DNAJC1: variants seen among roughly 807,000 people sequenced by gnomAD.
DNAJC1 encodes the protein dnaJ homolog subfamily C member 1.
In DNAJC1, 58 loss-of-function variants were observed where a neutral mutation model predicts 76.6. The ratio of observed to expected loss-of-function variants is 0.76; its 90% confidence interval spans 0.61 to 0.94. DNAJC1 has a LOEUF of 0.94. DNAJC1 is among the 40% of genes least tolerant of loss of function. DNAJC1 has a pLI of 0.00. For missense variants in DNAJC1, 689 were observed against 677.3 expected, an observed-to-expected ratio of 1.02 and a Z score of -0.19; for synonymous variants, 258 against 267.9, an observed-to-expected ratio of 0.96 and a Z score of 0.36.
At chr10:21,992,458 C>A (rs1838341551) in intron 1 of DNAJC1, among the ~76,000 whole-genome samples, 1 of 151,998 alleles carries the variant, frequency 6.6e-6, no homozygotes, top group Non-Finnish European at 1.5e-5. Context: ...GAGGCTGAGG[C>A]AGGAGAATCG....
chr10:21,804,864 C>T (rs2131641209), intron 9 of DNAJC1, among the ~76,000 whole-genome samples: 1 of 151,954 alleles, frequency 6.6e-6, no homozygotes, highest in African/African-American at 2.4e-5. Context: ...CAAAACAATA[C>T]AAAACTTGAC....
At chr10:21,771,107 T>C (rs1407767107) in intron 9 of DNAJC1, among the ~76,000 whole-genome samples, 1 of 152,236 alleles carries the variant, frequency 6.6e-6, no homozygotes. Context: ...ATTGTAAATG[T>C]ATAAAAAATA....
intron 1 of DNAJC1, among the ~76,000 whole-genome samples, chr10:21,987,520 T>C (rs1049372955): frequency 6.6e-6 from 1 of 152,216 alleles, no homozygotes; most frequent in Non-Finnish European, 1.5e-5. Flanking sequence ...TTTACCAGAA[T>C]GTAGAATTAT....
intron 8 of DNAJC1, among the ~76,000 whole-genome samples, chr10:21,833,014 A>C (rs1835385954): frequency 6.6e-6 from 1 of 152,206 alleles, no homozygotes; most frequent in South Asian, 2.1e-4. Context: ...CCCCACTTCT[A>C]AATCTTTCAT....
At chr10:21,938,279 A>C (rs929786101) in intron 1 of DNAJC1, among the ~76,000 whole-genome samples, 6 of 152,080 alleles carry the variant, frequency 3.9e-5, no homozygotes, top group African/African-American at 1.2e-4. Context: ...ACGAAAACAT[A>C]CCATGCCAAA....
At chr10:21,894,874 T>C (rs1281866463) in intron 7 of DNAJC1, among the ~76,000 whole-genome samples, 1 of 152,130 alleles carries the variant, frequency 6.6e-6, no homozygotes, top group African/African-American at 2.4e-5. Flanking sequence ...ACAGCATTCA[T>C]CTCCCCTAGA....
chr10:21,998,128 C>A (rs762766663), intron 1 of DNAJC1, among the ~76,000 whole-genome samples: 1 of 152,094 alleles, frequency 6.6e-6, no homozygotes, highest in Non-Finnish European at 1.5e-5. Context: ...CAGTGGTTCA[C>A]GCCTGTAATC....
intron 8 of DNAJC1, among the ~76,000 whole-genome samples, chr10:21,852,408 A>C (rs538805921): frequency 1.3e-5 from 2 of 152,302 alleles, no homozygotes; most frequent in African/African-American, 4.8e-5. Flanking sequence ...TGGTGGTTGG[A>C]CAACACTGTG....
chr10:21,905,738 C>T (rs1054852109), intron 6 of DNAJC1, among the ~76,000 whole-genome samples: 1 of 151,968 alleles, frequency 6.6e-6, no homozygotes, highest in Non-Finnish European at 1.5e-5. Context: ...AAGTATTTAC[C>T]GAATTGAACT....
intron 7 of DNAJC1, among the ~76,000 whole-genome samples, chr10:21,890,183 G>C (rs1472932735): frequency 2.0e-5 from 3 of 151,828 alleles, no homozygotes; most frequent in Non-Finnish European, 2.9e-5. Context: ...AGGCTGGGGG[G>C]GGGTGGATGA....
chr10:21,972,796 T>C (rs1324254149), intron 1 of DNAJC1, among the ~76,000 whole-genome samples: 1 of 151,870 alleles, frequency 6.6e-6, no homozygotes, highest in Non-Finnish European at 1.5e-5. Flanking sequence ...ACTGGAGGAG[T>C]TGCTGATATA....
chr10:21,797,851 T>C (rs959955958), intron 9 of DNAJC1, among the ~76,000 whole-genome samples: 27 of 152,288 alleles, frequency 1.8e-4, no homozygotes, highest in Admixed American at 1.6e-3. Flanking sequence ...AAGAAATACA[T>C]CTTAGTTCTT....
At chr10:21,966,983 C>T (rs1006585804) in intron 1 of DNAJC1, among the ~76,000 whole-genome samples, 7 of 150,516 alleles carry the variant, frequency 4.7e-5, no homozygotes, top group African/African-American at 1.2e-4. Context: ...CCACTGCACC[C>T]GGCCTTGCCC....
chr10:21,782,668 C>T (rs1363073030), intron 9 of DNAJC1, among the ~76,000 whole-genome samples: 1 of 152,202 alleles, frequency 6.6e-6, no homozygotes, highest in Non-Finnish European at 1.5e-5. Context: ...TACTGGCAAA[C>T]CGAATCCAGC....
chr10:21,783,505 C>T (rs1480071728), intron 9 of DNAJC1, among the ~76,000 whole-genome samples: 2 of 152,130 alleles, frequency 1.3e-5, no homozygotes, highest in Non-Finnish European at 2.9e-5. Context: ...CAATGCCATC[C>T]CCATCAAGCT....
At chr10:21,930,080 A>T (rs1157888545) in intron 1 of DNAJC1, among the ~76,000 whole-genome samples, 4 of 152,142 alleles carry the variant, frequency 2.6e-5, no homozygotes, top group Non-Finnish European at 5.9e-5. Flanking sequence ...GGTCCAAGAG[A>T]TTCTTGTGCC....
intron 1 of DNAJC1, among the ~76,000 whole-genome samples, chr10:21,939,024 G>A (rs977189961): frequency 4.6e-5 from 7 of 152,134 alleles, no homozygotes; most frequent in Non-Finnish European, 1.0e-4. Context: ...CCCAGTAGCT[G>A]GGACCACAGG....
At chr10:21,884,305 TAAGAA>T (rs1483426622) in intron 7 of DNAJC1, among the ~76,000 whole-genome samples, 2 of 151,986 alleles carry the variant, frequency 1.3e-5, no homozygotes, top group Non-Finnish European at 2.9e-5. Flanking sequence ...GGCTAACAAA[TAAGAA>T]AAGAGGCTCA....
Position 21,953,915 on chromosome 10 carries a change from T to C in DNAJC1, c.223-24774A>G, listed in dbSNP as rs184455701. Among the ~76,000 whole-genome samples, 72 of 151,224 alleles carry C rather than the reference T, an allele frequency of 4.8e-4. 1 individual carries two copies. Among genetic ancestry groups the C allele is most frequent in the Non-Finnish European group, 8.4e-4 (57 of 67,828 alleles). The stretch of plus-strand genomic sequence containing the variant: ...CACTTTCCTTTGTTAGTTTAATAAA[T>C]GGGTTTGTCTGTTTAACCTTTGCTA... On this transcript the variant is annotated intron_variant, in intron 1 of 11. Transcript: ENST00000376980.
Sources: allele counts gnomAD v4.1 joint callset (sites outside exome capture counted in the v4.1 genomes callset), GRCh38; gene constraint gnomAD v4.1.1; transcripts MANE v1.5; gene names NCBI Gene and HGNC (gene_info 2026-07-23, HGNC 2026-07-21).